Variants in MRPS28 observed in about 807,000 individuals in gnomAD.
MRPS28 encodes small ribosomal subunit protein bS1m.
A neutral mutation model predicts 10.8 loss-of-function variants in MRPS28; 7 were observed. The observed-to-expected ratio is 0.65, with a 90% CI of 0.37 to 1.22. The LOEUF is 1.22. Ranked by LOEUF, MRPS28 falls within the 50% of genes most tolerant of loss-of-function variation. The pLI is 0.02. For synonymous variants in MRPS28, 121 were observed against 93.3 expected (o/e 1.30, Z -1.71); for missense variants, 265 against 232.9 (o/e 1.14, Z -0.90).
At chr8:79,933,176 A>C (rs1806512180) in intron 2 of MRPS28, among the ~76,000 whole-genome samples, 2 of 152,204 alleles carry the variant, frequency 1.3e-5, no homozygotes. Flanking sequence ...TGGCTTAAAC[A>C]ACAGAAATTT....
At position 79,919,047 on chromosome 8, in the gene MRPS28, T is replaced by C; in HGVS notation, c.497A>G (p.Asn166Ser). Residue 166 changes from asparagine to serine, a missense_variant, in exon 3 of 3, where the codon AAT (asparagine) becomes AGT (serine). By Grantham distance (46) the Asn-to-Ser change is conservative. Coordinates refer to ENST00000276585, the MANE Select transcript of MRPS28 (RefSeq NM_014018.3). Reference sequence around the variant, plus strand: ...CTCCTGGATTCCCAAGAGAACTGCATTAGCCTCTAGTACAGTTGTATCTGT... The same window carrying C: ...CTCCTGGATTCCCAAGAGAACTGCACTAGCCTCTAGTACAGTTGTATCTGT... ...ATTDTTVLEA[N>S]AVLLGIQESK... 6.2e-7 allele frequency: 1 copy of C among 1,608,144 alleles called. No homozygotes were observed. Among genetic ancestry groups the C allele is most frequent in the Non-Finnish European group, 8.5e-7 (1 of 1,177,606 alleles).
chr8:79,964,462 A>G (rs2130016623), intron 2 of MRPS28, among the ~76,000 whole-genome samples: 1 of 152,104 alleles, frequency 6.6e-6, no homozygotes, highest in Non-Finnish European at 1.5e-5. Flanking sequence ...GTACAAGCTC[A>G]ATTGCTAAAT....
At chr8:80,018,764 GGATA>G (rs1462578137) in intron 1 of MRPS28, among the ~76,000 whole-genome samples, 1 of 152,128 alleles carries the variant, frequency 6.6e-6, no homozygotes, top group Non-Finnish European at 1.5e-5. Flanking sequence ...ACAGATGAAT[GGATA>G]AAGAAAATGT....
chr8:79,983,946 A>C (rs1808063917), intron 2 of MRPS28, among the ~76,000 whole-genome samples: 2 of 152,290 alleles, frequency 1.3e-5, no homozygotes, highest in African/African-American at 4.8e-5. Context: ...ACTCCTCGAG[A>C]AGAGCAACTC....
At chr8:80,020,909 T>C (rs1485181016) in intron 1 of MRPS28, among the ~76,000 whole-genome samples, 1 of 152,158 alleles carries the variant, frequency 6.6e-6, no homozygotes, top group Non-Finnish European at 1.5e-5. Context: ...ATTTGTTTTT[T>C]TTAACTTCAC....
At chr8:80,002,279 T>G (rs1032034918) in intron 2 of MRPS28, among the ~76,000 whole-genome samples, 1 of 152,132 alleles carries the variant, frequency 6.6e-6, no homozygotes, top group East Asian at 1.9e-4. Flanking sequence ...CTAGATTCAC[T>G]ATTGTTTTAT....
At position 79,919,090 on chromosome 8, in the gene MRPS28, T is replaced by C. The variant is rs747839229; in HGVS notation, c.454A>G (p.Arg152Gly). 1.2e-6 allele frequency: 2 copies of C among 1,611,098 alleles called. No homozygotes were observed. The highest frequency in any genetic ancestry group is 3.4e-5 in the Admixed American group (2 of 59,586). The change falls in exon 3 of 3, where the codon AGG becomes GGG. Residue 152 changes from arginine to glycine, a missense_variant. Arg to Gly is a moderately radical substitution (Grantham distance 125). Transcript: ENST00000276585. ...GTATCTGTTGTTGCTCCCAGGAACC[T>C]AGACGTAAGTTCAAGATCTAATAGC... is the stretch of plus-strand genomic sequence containing the variant. Reference protein sequence around the residue: ...LRLLDLELTSRFLGATTDTTV... With the variant: ...LRLLDLELTSGFLGATTDTTV...
chr8:80,018,947 A>G (rs1051962751), intron 1 of MRPS28, among the ~76,000 whole-genome samples: 2 of 152,164 alleles, frequency 1.3e-5, no homozygotes, highest in African/African-American at 4.8e-5. Flanking sequence ...AATTTAAACA[A>G]TTGAACTCAT....
chr8:79,939,471 G>A (rs1461732070), intron 2 of MRPS28, among the ~76,000 whole-genome samples: 2 of 151,754 alleles, frequency 1.3e-5, no homozygotes, highest in South Asian at 2.1e-4. Flanking sequence ...AAAAAAAATC[G>A]GCCTGGTCTC....
intron 2 of MRPS28, among the ~76,000 whole-genome samples, chr8:79,958,985 A>T (rs1242884379): frequency 3.3e-5 from 5 of 152,156 alleles, no homozygotes; most frequent in African/African-American, 1.2e-4. Context: ...ACAATGCAAG[A>T]TTATCTATAA....
In MRPS28 at chr8:79,929,945, C is replaced by A. The variant is rs1030592602; in HGVS notation, c.396-10797G>T. Among the ~76,000 whole-genome samples the A allele has an allele frequency of 4.6e-5, 7 of 152,220 alleles. No homozygotes were observed. The East Asian group carries it at 1.4e-3, about 29-fold the overall frequency. ...ACCAGATTAAAAAAAGAGCAGTCAG[C>A]CAAACAGTCAGAAGGTAGGTCAGGT... On this transcript the variant is annotated intron_variant, in intron 2 of 2. Coordinates refer to ENST00000276585, the MANE Select transcript of MRPS28 (RefSeq NM_014018.3).
intron 2 of MRPS28, among the ~76,000 whole-genome samples, chr8:79,930,240 G>A (rs1163585270): frequency 2.6e-5 from 4 of 152,140 alleles, no homozygotes; most frequent in Non-Finnish European, 5.9e-5. Context: ...AGGCAACACA[G>A]GTATTTTAGT....
At chr8:79,919,912 A>AG (rs1478861681) in intron 2 of MRPS28, among the ~76,000 whole-genome samples, 6 of 150,016 alleles carry the variant, frequency 4.0e-5, no homozygotes, top group East Asian at 2.0e-4. Flanking sequence ...CTCGTCATTT[A>AG]CGTTAGGTAT....
chr8:79,953,367 G>A (rs566972325), intron 2 of MRPS28, among the ~76,000 whole-genome samples: 19 of 152,248 alleles, frequency 1.2e-4, no homozygotes, highest in East Asian at 9.6e-4. Flanking sequence ...AAGATAATAC[G>A]ATATTGGTTC....
At chr8:79,997,271 A>G (rs962886959) in intron 2 of MRPS28, among the ~76,000 whole-genome samples, 1 of 152,216 alleles carries the variant, frequency 6.6e-6, no homozygotes, top group African/African-American at 2.4e-5. Context: ...ATTAGGTTAA[A>G]GACTCATAAA....
intron 2 of MRPS28, among the ~76,000 whole-genome samples, chr8:79,997,196 G>A (rs566658948): frequency 6.6e-6 from 1 of 152,266 alleles, no homozygotes; most frequent in East Asian, 1.9e-4. Context: ...CCCATGATGG[G>A]AAAAGTGCTC....
At chr8:79,931,414 T>C (rs1369071241) in intron 2 of MRPS28, among the ~76,000 whole-genome samples, 1 of 152,162 alleles carries the variant, frequency 6.6e-6, no homozygotes, top group African/African-American at 2.4e-5. Flanking sequence ...CATACCATAT[T>C]AATGGGTAAA....
chr8:79,987,986 G>C (rs897217018), intron 2 of MRPS28, among the ~76,000 whole-genome samples: 2 of 151,970 alleles, frequency 1.3e-5, no homozygotes, highest in African/African-American at 4.8e-5. Context: ...TGTTTACTGC[G>C]GCTCTATTCA....
At chr8:79,933,817 C>A (rs1236553132) in intron 2 of MRPS28, among the ~76,000 whole-genome samples, 1 of 152,076 alleles carries the variant, frequency 6.6e-6, no homozygotes, top group Non-Finnish European at 1.5e-5. Flanking sequence ...TCAGACCCAC[C>A]CCAAAATATA....
Sources: gnomAD v4.1 joint callset for allele counts (sites outside exome capture counted in the v4.1 genomes callset) on GRCh38, gnomAD v4.1.1 for gene constraint, MANE v1.5 for transcripts, NCBI Gene and HGNC (gene_info 2026-07-23, HGNC 2026-07-21) for gene names.